Variants in NCALD observed in about 807,000 individuals in gnomAD.
The protein encoded by NCALD is neurocalcin-delta.
NCALD carries 10 observed loss-of-function variants against 18.6 expected under a neutral mutation model. The ratio of observed to expected loss-of-function variants is 0.54; its 90% confidence interval spans 0.33 to 0.91. The LOEUF is 0.91. NCALD is among the 40% of genes least tolerant of loss of function. NCALD has a pLI of 0.03. For missense variants in NCALD, 184 were observed against 247.6 expected (o/e 0.74, Z 1.72); for synonymous variants, 88 against 87.4 (o/e 1.01, Z -0.04).
chr8:101,742,472 A>T (rs1298887264), intron 1 of NCALD, among the ~76,000 whole-genome samples: 1 of 152,330 alleles, frequency 6.6e-6, no homozygotes, highest in East Asian at 1.9e-4. Context: ...TTTCCATTAT[A>T]AGAAAATTAT....
At chr8:101,714,857 C>A in intron 2 of NCALD, among the ~76,000 whole-genome samples, 1 of 150,764 alleles carries the variant, frequency 6.6e-6, no homozygotes, top group Non-Finnish European at 1.5e-5. Flanking sequence ...ATTAGCCGGG[C>A]GCGGTGGCGG....
rs1029456250 is a variant in NCALD at position 101,733,989 on chromosome 8, G to A, written c.-19-14341C>T. Among the ~76,000 whole-genome samples, 11 of 152,132 alleles carry A rather than the reference G, an allele frequency of 7.2e-5. No individual in the cohort carries two copies. The South Asian group carries it at 1.0e-3, about 14-fold the overall frequency. On this transcript the variant is annotated intron_variant, in intron 1 of 3. Transcript: ENST00000220931. ...CTGTGGCTCTGTATACAGATCCCAC[G>A]AGCCCCGCTTGAGTGTCACTCATCA...
At chr8:101,943,962 A>G (rs546417688) in intron 2 of NCALD, among the ~76,000 whole-genome samples, 1 of 123,620 alleles carries the variant, frequency 8.1e-6, no homozygotes, top group African/African-American at 2.9e-5. Context: ...ACAAAAAACA[A>G]AAAACAAACA....
At chr8:101,738,688 G>T (rs1474046414) in intron 1 of NCALD, among the ~76,000 whole-genome samples, 1 of 152,150 alleles carries the variant, frequency 6.6e-6, no homozygotes, top group Non-Finnish European at 1.5e-5. Context: ...TTAAGGACAG[G>T]CTGTTGGCAT....
chr8:102,074,219 A>C (rs935921669), intron 1 of NCALD, among the ~76,000 whole-genome samples: 1 of 152,158 alleles, frequency 6.6e-6, no homozygotes, highest in African/African-American at 2.4e-5. Flanking sequence ...AAAATCACCC[A>C]ATCATCAGAT....
intron 4 of NCALD, among the ~76,000 whole-genome samples, chr8:101,848,557 T>G (rs777463098): frequency 7.2e-5 from 11 of 152,192 alleles, no homozygotes; most frequent in Non-Finnish European, 1.3e-4. Context: ...GAGGTCATGA[T>G]TCCCATAATC....
At chr8:101,905,276 C>CCTCTCTCT (rs58447809) in intron 3 of NCALD, among the ~76,000 whole-genome samples, 14 of 145,476 alleles carry the variant, frequency 9.6e-5, no homozygotes, top group African/African-American at 2.3e-4. Flanking sequence ...TCTCTCCTCT[C>CCTCTCTCT]CTCTCTCTCT....
intron 1 of NCALD, among the ~76,000 whole-genome samples, chr8:101,779,764 C>A (rs1190660344): frequency 6.6e-6 from 1 of 152,106 alleles, no homozygotes; most frequent in Non-Finnish European, 1.5e-5. Context: ...TATCTGCAGT[C>A]TTTTCTGTCT....
chr8:101,959,278 T>C (rs1819750214), intron 2 of NCALD, among the ~76,000 whole-genome samples: 1 of 152,134 alleles, frequency 6.6e-6, no homozygotes, highest in African/African-American at 2.4e-5. Context: ...CACAATTAGG[T>C]TCAAGTTATG....
intron 1 of NCALD, among the ~76,000 whole-genome samples, chr8:102,062,659 G>A (rs1412664028): frequency 6.6e-6 from 1 of 152,362 alleles, no homozygotes; most frequent in East Asian, 1.9e-4. Context: ...CGGTTGGCTA[G>A]AGTTTAGCTG....
chr8:102,087,396 C>T (rs1824773211), intron 1 of NCALD, among the ~76,000 whole-genome samples: 2 of 152,122 alleles, frequency 1.3e-5, no homozygotes, highest in South Asian at 4.1e-4. Context: ...GACTGCAGCA[C>T]TGATTGGCCG....
chr8:101,864,340 C>T (rs1045153127), intron 4 of NCALD, among the ~76,000 whole-genome samples: 2 of 152,146 alleles, frequency 1.3e-5, no homozygotes, highest in Admixed American at 1.3e-4. Flanking sequence ...CTACAAAAGC[C>T]ACAGTGCACA....
intron 1 of NCALD, among the ~76,000 whole-genome samples, chr8:102,025,863 T>TA (rs1157994672): frequency 6.6e-6 from 1 of 152,104 alleles, no homozygotes; most frequent in African/African-American, 2.4e-5. Context: ...TGAGACTAGG[T>TA]AATTTATAAA....
At position 101,733,602 on chromosome 8, in the gene NCALD, C is replaced by T. The variant is rs146989271; in HGVS notation, c.-19-13954G>A. 1.2e-3 allele frequency among the ~76,000 whole-genome samples: 190 copies of T among 152,302 alleles called. 1 individual carries two copies. The highest frequency in any genetic ancestry group is 4.3e-3 in the African/African-American group (180 of 41,576). On this transcript the variant is annotated intron_variant, in intron 1 of 3. Coordinates refer to ENST00000220931, the MANE Select transcript of NCALD (RefSeq NM_032041.3). ...TATTCATCTGAATGAGATAAAGGTT[C>T]AGTTTGGTTGGGTTGTTTACAACGA...
At chr8:101,738,570 A>AG (rs1416212489) in intron 1 of NCALD, among the ~76,000 whole-genome samples, 3 of 147,118 alleles carry the variant, frequency 2.0e-5, no homozygotes, top group Admixed American at 6.8e-5. Flanking sequence ...AAAAAAAAAA[A>AG]AAGAAGAAGA....
intron 4 of NCALD, among the ~76,000 whole-genome samples, chr8:101,821,147 G>A (rs1272298057): frequency 6.6e-6 from 1 of 152,108 alleles, no homozygotes; most frequent in African/African-American, 2.4e-5. Flanking sequence ...AAAGCTTCCA[G>A]GCACTCAACA....
intron 2 of NCALD, among the ~76,000 whole-genome samples, chr8:102,006,271 A>G (rs1016089134): frequency 1.3e-5 from 2 of 151,990 alleles, no homozygotes; most frequent in African/African-American, 4.8e-5. Context: ...GACAAGCTGT[A>G]CAGTTTCCAA....
At chr8:101,782,414 A>C (rs1812053421) in intron 1 of NCALD, among the ~76,000 whole-genome samples, 1 of 152,140 alleles carries the variant, frequency 6.6e-6, no homozygotes, top group Non-Finnish European at 1.5e-5. Flanking sequence ...CAGGGATTTA[A>C]ATGAGCTGTG....
At chr8:101,824,012 A>C (rs1437639557) in intron 4 of NCALD, among the ~76,000 whole-genome samples, 1 of 152,208 alleles carries the variant, frequency 6.6e-6, no homozygotes, top group Non-Finnish European at 1.5e-5. Flanking sequence ...TGCAAACGCT[A>C]CAATTATCCT....
Sources: gnomAD v4.1 joint callset for allele counts (sites outside exome capture counted in the v4.1 genomes callset) on GRCh38, gnomAD v4.1.1 for gene constraint, MANE v1.5 for transcripts, NCBI Gene and HGNC (gene_info 2026-07-23, HGNC 2026-07-21) for gene names.